Variants in TMEM266 observed in about 807,000 individuals in gnomAD.
The protein encoded by TMEM266 is transmembrane protein 266.
TMEM266 carries 33 observed loss-of-function variants against 50.5 expected under a neutral mutation model. That is an observed-to-expected ratio of 0.65 (90% CI 0.50 to 0.87). TMEM266 has a LOEUF of 0.87. Ranked by LOEUF, TMEM266 falls within the 40% of genes least tolerant of loss-of-function variation. The pLI is 0.00. For synonymous variants in TMEM266, 310 were observed against 292.3 expected (o/e 1.06, Z -0.62); for missense variants, 655 against 695.1 (o/e 0.94, Z 0.65).
chr15:76,171,372 T>C (rs1323787515), intron 7 of TMEM266, among the ~76,000 whole-genome samples: 1 of 152,220 alleles, frequency 6.6e-6, no homozygotes, highest in Admixed American at 6.5e-5. Flanking sequence ...CATGTGTTCA[T>C]TCCCATGCAG....
At chr15:76,166,518 C>T (rs2038099213) in intron 5 of TMEM266, among the ~76,000 whole-genome samples, 1 of 152,226 alleles carries the variant, frequency 6.6e-6, no homozygotes, top group African/African-American at 2.4e-5. Flanking sequence ...GTTTCACCTG[C>T]TTCCCTGGCA....
chr15:76,193,746 G>A (rs2038616077), intron 9 of TMEM266, among the ~76,000 whole-genome samples: 1 of 152,194 alleles, frequency 6.6e-6, no homozygotes, highest in South Asian at 2.1e-4. Context: ...ACTGCACTGA[G>A]GCCTGGTCCC....
rs571211094 is a variant in TMEM266, at chr15:76,084,602, T to TG, written c.-97+24586_-97+24587insG. 2.9e-3 allele frequency among the ~76,000 whole-genome samples: 436 copies of TG among 149,186 alleles called. 4 individuals are homozygous for TG. Among genetic ancestry groups the TG allele is most frequent in the African/African-American group, 0.011 (408 of 38,696 alleles). On this transcript the variant is annotated intron_variant, in intron 1 of 10. Coordinates refer to ENST00000388942, the MANE Select transcript of TMEM266 (RefSeq NM_152335.3). ...CAGAGATGAGGGTTTTTTTTGGTTT[T>TG]TTTTTTTTTGTTTTTTGAGACAGAG...
intron 1 of TMEM266, among the ~76,000 whole-genome samples, chr15:76,119,318 G>A (rs2037300982): frequency 6.7e-6 from 1 of 148,576 alleles, no homozygotes. Context: ...GGAGGGGAAG[G>A]ACACACAAGG....
chr15:76,203,677 C>A lies in TMEM266; in HGVS notation c.1022-64C>A. On this transcript the variant is annotated intron_variant, in intron 10 of 10. Transcript: ENST00000388942. ...GCCCACCGCCCGGCTCAGACCTGCT[C>A]TCTTCAGGGCCCCCAGGTGTGGCAG... 27 of 1,502,440 alleles carry A rather than the reference C, an allele frequency of 1.8e-5. No homozygotes were observed. The South Asian group carries it at 3.0e-4, about 17-fold the overall frequency. The allele number at this position is 1,502,440 out of a possible 1,614,324, so 93.1% of individuals were successfully genotyped here. A position where few individuals can be genotyped will look rare whatever the true frequency, so the allele number is the denominator to read the frequency against.
chr15:76,126,907 C>CG (rs1450322204), intron 1 of TMEM266, among the ~76,000 whole-genome samples: 1 of 151,694 alleles, frequency 6.6e-6, no homozygotes, highest in Non-Finnish European at 1.5e-5. Context: ...CCAGGGGTTG[C>CG]GGGGGGCAGG....
In TMEM266 at chr15:76,175,553, T is replaced by C. The variant is rs776875057; in HGVS notation, c.653-6T>C. ...AATTCTTTACAGGGCTGTCTCTGTC[T>C]TCCAGCCTACGTCCTGCCAGTGAAG... On this transcript the variant is annotated splice_region_variant and splice_polypyrimidine_tract_variant and intron_variant, in intron 7 of 10. Transcript: ENST00000388942. The C allele has an allele frequency of 6.2e-7, 1 of 1,610,718 alleles. No homozygotes were observed. Among genetic ancestry groups the C allele is most frequent in the East Asian group, 2.2e-5 (1 of 44,866 alleles).
intron 8 of TMEM266, chr15:76,191,517 A>ATGGGGTCCCCCAGGC (rs1397306248): frequency 6.5e-6 from 1 of 153,790 alleles, no homozygotes; most frequent in East Asian, 1.9e-4. Flanking sequence ...TGACGCCAGG[A>ATGGGGTCCCCCAGGC]TGGGGTCCCC....
chr15:76,126,505 A>T lies in TMEM266; in HGVS notation c.-96-7663A>T, dbSNP rs116655628. Among the ~76,000 whole-genome samples, 564 of 151,562 alleles carry T rather than the reference A, an allele frequency of 3.7e-3. 4 individuals carry two copies. The highest frequency in any genetic ancestry group is 0.012 in the African/African-American group (508 of 41,364). On this transcript the variant is annotated intron_variant, in intron 1 of 10. Coordinates refer to ENST00000388942, the MANE Select transcript of TMEM266 (RefSeq NM_152335.3). The stretch of plus-strand genomic sequence containing the variant: ...ATGCTAAGCCAGTCACAGAAAGACA[A>T]ATACTGCACGATCTCACTTATAGTT...
intron 10 of TMEM266, among the ~76,000 whole-genome samples, chr15:76,203,351 TG>T (rs544224521): frequency 6.6e-6 from 1 of 152,186 alleles, no homozygotes; most frequent in Non-Finnish European, 1.5e-5. Flanking sequence ...GTAGGTTGGC[TG>T]GGGGCTCTGC....
At chr15:76,190,242 C>T (rs1304339457) in intron 8 of TMEM266, among the ~76,000 whole-genome samples, 2 of 152,212 alleles carry the variant, frequency 1.3e-5, no homozygotes, top group Admixed American at 6.5e-5. Flanking sequence ...GCTGAGAACG[C>T]GGCCCTGAGA....
At chr15:76,071,241 C>A (rs1405136502) in intron 1 of TMEM266, among the ~76,000 whole-genome samples, 1 of 152,180 alleles carries the variant, frequency 6.6e-6, no homozygotes, top group South Asian at 2.1e-4. Flanking sequence ...GGATTCCTGT[C>A]ATGGGATGTC....
rs11396209 is a variant in TMEM266, at chr15:76,086,932, G to GC, written c.-97+26916_-97+26917insC. ...ATGCAGAAAAAGGGAGCAGGTCGGG[G>GC]GGGGGGCGGTGGTGTTGCAAAGGGA... On this transcript the variant is annotated intron_variant, in intron 1 of 10. Coordinates refer to ENST00000388942, the MANE Select transcript of TMEM266 (RefSeq NM_152335.3). 5.5e-5 allele frequency among the ~76,000 whole-genome samples: 8 copies of GC among 146,750 alleles called. No individual in the cohort carries two copies. In the South Asian group the frequency reaches 6.4e-4, roughly 12 times the overall value.
chr15:76,105,414 G>A (rs553639067), intron 1 of TMEM266, among the ~76,000 whole-genome samples: 1 of 152,010 alleles, frequency 6.6e-6, no homozygotes, highest in Non-Finnish European at 1.5e-5. Flanking sequence ...TCCCTTTCTC[G>A]AATGCTAATC....
intron 1 of TMEM266, among the ~76,000 whole-genome samples, 172 bp from the exon 2 acceptor site, chr15:76,133,996 G>C (rs1203567166): frequency 6.6e-6 from 1 of 152,124 alleles, no homozygotes; most frequent in Non-Finnish European, 1.5e-5. Flanking sequence ...CTAAAAAAGA[G>C]AAATTATGCT....
chr15:76,114,291 A>C (rs1467690050), intron 1 of TMEM266: 1 of 152,250 alleles, frequency 6.6e-6, no homozygotes, highest in Non-Finnish European at 1.5e-5. Context: ...AGGCCAAGGC[A>C]GGTGGATGGC....
chr15:76,160,219 C>G lies in TMEM266; in HGVS notation c.456+51C>G. 1 of 1,544,440 alleles carries G rather than the reference C, an allele frequency of 6.5e-7. No homozygotes were observed. Among genetic ancestry groups the G allele is most frequent in the Non-Finnish European group, 8.9e-7 (1 of 1,118,640 alleles). On this transcript the variant is annotated intron_variant, in intron 5 of 10. Transcript: ENST00000388942. The surrounding 1 kb of genome is among the most constrained non-coding windows in gnomAD (Gnocchi z 5.7). ...CCTCCTCTGTTGGGTGACTCCTGTCCTGGGGAAACCAAGGTCTACTTCTCG... is the reference window on the plus strand; with the variant it reads ...CCTCCTCTGTTGGGTGACTCCTGTCGTGGGGAAACCAAGGTCTACTTCTCG...
chr15:76,132,746 A>C (rs28623186), intron 1 of TMEM266, among the ~76,000 whole-genome samples: 6,804 of 149,962 alleles, frequency 0.045, 501 homozygotes, highest in African/African-American at 0.16. Context: ...AGTGAGCCAA[A>C]ATTGCGCCAC....
At chr15:76,086,040 C>T (rs2036771628) in intron 1 of TMEM266, among the ~76,000 whole-genome samples, 1 of 145,562 alleles carries the variant, frequency 6.9e-6, no homozygotes, top group Non-Finnish European at 1.5e-5. Context: ...GAGAGCGAAA[C>T]TCCATTTCAA....
Sources: gnomAD v4.1 joint callset for allele counts (sites outside exome capture counted in the v4.1 genomes callset) on GRCh38, gnomAD v4.1.1 for gene constraint, Gnocchi (gnomAD v3.1) non-coding constraint, MANE v1.5 for transcripts, NCBI Gene and HGNC (gene_info 2026-07-23, HGNC 2026-07-21) for gene names.